Variants in KLF6 observed in about 807,000 individuals in gnomAD.
The protein encoded by KLF6 is Krueppel-like factor 6.
For missense variants in KLF6, 233 were observed against 359.8 expected (o/e 0.65, Z 2.85); for synonymous variants, 152 against 147.9 (o/e 1.03, Z -0.20).
At position 3,780,040 on chromosome 10, in the gene KLF6, T is replaced by G; in HGVS notation, c.800+66A>C. 6.2e-7 allele frequency: 1 copy of G among 1,602,556 alleles called. No homozygotes were observed. Among genetic ancestry groups the G allele is most frequent in the South Asian group, 1.1e-5 (1 of 90,886 alleles). ...CTTCGAATGTGCCCTGCACACCTAC[T>G]CAACCCTGGTCATCACATTCCCAAG... On this transcript the variant is annotated intron_variant, in intron 3 of 3. Transcript: ENST00000497571. The surrounding 1 kb of genome is among the most constrained non-coding windows in gnomAD (Gnocchi z 4.6).
At position 3,779,402 on chromosome 10, in the gene KLF6, C is replaced by T. The variant is rs925627858; in HGVS notation, c.*137G>A. 4 of 762,860 alleles carry T rather than the reference C, an allele frequency of 5.2e-6. No individual in the cohort carries two copies. In the African/African-American group the frequency reaches 6.8e-5, roughly 13 times the overall value. The allele number at this position is 762,860 out of a possible 1,614,324, so 47.3% of individuals were successfully genotyped here. A position where few individuals can be genotyped will look rare whatever the true frequency, so the allele number is the denominator to read the frequency against. On this transcript the variant is annotated 3_prime_UTR_variant, in exon 4 of 4. Coordinates refer to ENST00000497571, the MANE Select transcript of KLF6 (RefSeq NM_001300.6). ...CAGGACCTTTTTAGCCCTCAAAAGA[C>T]CTTCCAAGGAGAGGCCCTGGAGGCA...
At position 3,779,178 on chromosome 10, in the gene KLF6, C is replaced by T. The variant is rs775403785; in HGVS notation, c.*361G>A. 10 of 551,968 alleles carry T rather than the reference C, an allele frequency of 1.8e-5. No individual in the cohort carries two copies. The highest frequency in any genetic ancestry group is 1.5e-4 in the South Asian group (10 of 65,322). The allele number at this position is 551,968 out of a possible 1,614,324, so 34.2% of individuals were successfully genotyped here. ...CTACTTTTTTTCCATCTCTTGCAGT[C>T]TTGCTAACCACAAGGAAAAAAAGTT... On this transcript the variant is annotated 3_prime_UTR_variant, in exon 4 of 4. Coordinates refer to ENST00000497571, the MANE Select transcript of KLF6 (RefSeq NM_001300.6).
Position 3,780,235 on chromosome 10 carries a change from G to T in KLF6, c.677-6C>A. 1 of 1,613,686 alleles carries T rather than the reference G, an allele frequency of 6.2e-7. No homozygotes were observed. Among genetic ancestry groups the T allele is most frequent in the South Asian group, 1.1e-5 (1 of 91,086 alleles). On this transcript the variant is annotated splice_region_variant and splice_polypyrimidine_tract_variant and intron_variant, in intron 2 of 3. Transcript: ENST00000497571. This position sits in a 1 kb window ranked among gnomAD's most constrained non-coding sequence, Gnocchi z 4.6. ...GCATCTGTAAGGCTTTTCTCCTGGGGAGAGAGCACAGGACAAGCAGCCCAT... is the reference window on the plus strand; with the variant it reads ...GCATCTGTAAGGCTTTTCTCCTGGGTAGAGAGCACAGGACAAGCAGCCCAT...
intron 1 of KLF6, among the ~76,000 whole-genome samples, chr10:3,784,249 T>C (rs1832596850): frequency 6.6e-6 from 1 of 152,152 alleles, no homozygotes; most frequent in African/African-American, 2.4e-5. Context: ...TCTACGACAA[T>C]GTCGGAAACC....
At position 3,781,358 on chromosome 10, in the gene KLF6, G is replaced by C. The variant is rs1665171490; in HGVS notation, c.676+283C>G. The stretch of plus-strand genomic sequence containing the variant: ...GGCCTCGGATCCCCAGCACTACTAA[G>C]GGGTGGGGGGTGGAGGTTTGGGTGT... On this transcript the variant is annotated intron_variant, in intron 2 of 3. Coordinates refer to ENST00000497571, the MANE Select transcript of KLF6 (RefSeq NM_001300.6). This position sits in a 1 kb window ranked among gnomAD's most constrained non-coding sequence, Gnocchi z 5.8. 1 of 1,400,152 alleles carries C rather than the reference G, an allele frequency of 7.1e-7. No homozygotes were observed. The highest frequency in any genetic ancestry group is 9.5e-7 in the Non-Finnish European group (1 of 1,058,176). The allele number at this position is 1,400,152 out of a possible 1,614,324, so 86.7% of individuals were successfully genotyped here. A position where few individuals can be genotyped will look rare whatever the true frequency, so the allele number is the denominator to read the frequency against.
At chr10:3,784,726 G>A (rs1351888172) in intron 1 of KLF6, among the ~76,000 whole-genome samples, 187 bp downstream of exon 1, 1 of 152,208 alleles carries the variant, frequency 6.6e-6, no homozygotes, top group African/African-American at 2.4e-5. Context: ...CCGGGAGTTG[G>A]GGCTTCCCTG....
At position 3,776,063 on chromosome 10, in the gene KLF6, C is replaced by T. The variant is rs1832364464; in HGVS notation, c.*3476G>A. 1.9e-6 allele frequency: 1 copy of T among 522,538 alleles called. No homozygotes were observed. The highest frequency in any genetic ancestry group is 3.7e-6 in the Non-Finnish European group (1 of 267,852). 32.4% of individuals were successfully genotyped at this position (522,538 alleles called of 1,614,324 possible). ...GAGTGGGCTGAGGTTGTGAGAACAG[C>T]CCTCTGGCCTGGAGTCCCTCTGCCT... On this transcript the variant is annotated 3_prime_UTR_variant, in exon 4 of 4. Coordinates refer to ENST00000497571, the MANE Select transcript of KLF6 (RefSeq NM_001300.6).
Position 3,780,658 on chromosome 10 carries a change from G to A in KLF6, c.677-429C>T, listed in dbSNP as rs1832496015. On this transcript the variant is annotated intron_variant, in intron 2 of 3. Coordinates refer to ENST00000497571, the MANE Select transcript of KLF6 (RefSeq NM_001300.6). This position sits in a 1 kb window ranked among gnomAD's most constrained non-coding sequence, Gnocchi z 4.6. ...GGAATGTGCCTCTGCAGTTTCCTCA[G>A]GGACGTTCTACCTTTCTACAAAGCT... 3 of 299,016 alleles carry A rather than the reference G, an allele frequency of 1.0e-5. No individual in the cohort carries two copies. The highest frequency in any genetic ancestry group is 6.3e-5 in the South Asian group (2 of 31,596). 18.5% of individuals were successfully genotyped at this position (299,016 alleles called of 1,614,324 possible).
rs1832495352 is a variant in KLF6 at position 3,780,622 on chromosome 10, C to T, written c.677-393G>A. On this transcript the variant is annotated intron_variant, in intron 2 of 3. Transcript: ENST00000497571. This position sits in a 1 kb window ranked among gnomAD's most constrained non-coding sequence, Gnocchi z 4.6. ...CCCAAACACACTTCTGTTCCATCCT[C>T]ACTTCCCTATGGAATGTGCCTCTGC... 2.9e-6 allele frequency: 1 copy of T among 345,654 alleles called. No individual in the cohort carries two copies. The highest frequency in any genetic ancestry group is 2.3e-5 in the South Asian group (1 of 42,922). 21.4% of individuals were successfully genotyped at this position (345,654 alleles called of 1,614,324 possible).
Position 3,782,234 on chromosome 10 carries a change from G to A in KLF6, c.103-20C>T. ...GCAGGTCTGTGCAAAATGAACCAGAGAAGGCACGTGATTGCCATGACGACC... is the reference window on the plus strand; with the variant it reads ...GCAGGTCTGTGCAAAATGAACCAGAAAAGGCACGTGATTGCCATGACGACC... On this transcript the variant is annotated intron_variant, in intron 1 of 3. Coordinates refer to ENST00000497571, the MANE Select transcript of KLF6 (RefSeq NM_001300.6). The surrounding 1 kb of genome is among the most constrained non-coding windows in gnomAD (Gnocchi z 4.3). 2 of 1,590,108 alleles carry A rather than the reference G, an allele frequency of 1.3e-6. No individual in the cohort carries two copies. Among genetic ancestry groups the A allele is most frequent in the Non-Finnish European group, 1.7e-6 (2 of 1,169,472 alleles).
At chr10:3,779,956 T>C (rs1832484024) in intron 3 of KLF6, 150 bp downstream of exon 3, 1 of 1,022,786 alleles carries the variant, frequency 9.8e-7, no homozygotes, top group African/African-American at 1.6e-5. Context: ...CACCAGAAAC[T>C]TTCTAAAAAG....
At position 3,785,005 on chromosome 10, in the gene KLF6, G is replaced by T; in HGVS notation, c.10C>A (p.Leu4Ile). The change falls in exon 1 of 4, where the codon CTC becomes ATC. Residue 4 changes from leucine (L) to isoleucine (I), a missense_variant. By Grantham distance (5) the Leu-to-Ile change is conservative. Coordinates refer to ENST00000497571, the MANE Select transcript of KLF6 (RefSeq NM_001300.6). The stretch of plus-strand genomic sequence containing the variant: ...TCCTGGAAGATGCTGCACATGGGGA[G>T]CACGTCCATGTCGGGCCGGGTTGGA... The part of the protein sequence containing the change: MDV[L>I]PMCSIFQELQ... 6 of 1,610,478 alleles carry T rather than the reference G, an allele frequency of 3.7e-6. No individual in the cohort carries two copies. The highest frequency in any genetic ancestry group is 5.1e-6 in the Non-Finnish European group (6 of 1,177,828).
rs1231636465 is a variant in KLF6, at chr10:3,777,749, CTATATATATAATA to C, written c.*1777_*1789del. On this transcript the variant is annotated 3_prime_UTR_variant, in exon 4 of 4. Coordinates refer to ENST00000497571, the MANE Select transcript of KLF6 (RefSeq NM_001300.6). ...CTTAAAAAAAATATTTATATATTAT[CTATATATATAATA>C]TATATATATACACACATACACATAC... 9 of 272,098 alleles carry C rather than the reference CTATATATATAATA, an allele frequency of 3.3e-5. 1 individual carries two copies. The highest frequency in any genetic ancestry group is 1.7e-4 in the South Asian group (4 of 23,778). The allele number at this position is 272,098 out of a possible 1,614,324, so 16.9% of individuals were successfully genotyped here.
rs553665379 is a variant in KLF6 at position 3,782,284 on chromosome 10, C to G, written c.103-70G>C. ...CAAAAGTAAAAGCAAAAGCAATTTC[C>G]AAAAACATGCAAGAATGAAGGACAG... is the stretch of plus-strand genomic sequence containing the variant. On this transcript the variant is annotated intron_variant, in intron 1 of 3. Coordinates refer to ENST00000497571, the MANE Select transcript of KLF6 (RefSeq NM_001300.6). The surrounding 1 kb of genome is among the most constrained non-coding windows in gnomAD (Gnocchi z 4.3). The G allele has an allele frequency of 3.2e-6, 4 of 1,263,242 alleles. No individual in the cohort carries two copies. In the Admixed American group the frequency reaches 7.1e-5, roughly 23 times the overall value. The allele number at this position is 1,263,242 out of a possible 1,614,324, so 78.3% of individuals were successfully genotyped here.
In KLF6 at chr10:3,781,338, C is replaced by G; in HGVS notation, c.676+303G>C. 7.7e-7 allele frequency: 1 copy of G among 1,293,852 alleles called. No homozygotes were observed. The highest frequency in any genetic ancestry group is 1.0e-6 in the Non-Finnish European group (1 of 970,738). 80.1% of individuals were successfully genotyped at this position (1,293,852 alleles called of 1,614,324 possible). A position where few individuals can be genotyped will look rare whatever the true frequency, so the allele number is the denominator to read the frequency against. On this transcript the variant is annotated intron_variant, in intron 2 of 3. Transcript: ENST00000497571. The surrounding 1 kb of genome is among the most constrained non-coding windows in gnomAD (Gnocchi z 5.8). The stretch of plus-strand genomic sequence containing the variant: ...TGCACTGGTGAAGGGGCAGTGGCCT[C>G]GGATCCCCAGCACTACTAAGGGGTG...
rs1832429986 is a variant in KLF6 at position 3,777,905 on chromosome 10, A to G, written c.*1634T>C. ...TGTGAAACTTGTGCCTTTTAAGCAA[A>G]TACATTAACATTGGGGGTTTTTTAA... On this transcript the variant is annotated 3_prime_UTR_variant, in exon 4 of 4. Transcript: ENST00000497571. The G allele has an allele frequency of 2.0e-6, 1 of 491,810 alleles. No homozygotes were observed. The highest frequency in any genetic ancestry group is 1.9e-5 in the African/African-American group (1 of 51,518). The allele number at this position is 491,810 out of a possible 1,614,324, so 30.5% of individuals were successfully genotyped here.
At chr10:3,783,829 G>T (rs1394993150) in intron 1 of KLF6, among the ~76,000 whole-genome samples, 1 of 152,138 alleles carries the variant, frequency 6.6e-6, no homozygotes, top group Non-Finnish European at 1.5e-5. Flanking sequence ...CAAGAGCCAG[G>T]TCTGGCCGTT....
rs1400750999 is a variant in KLF6 at position 3,785,131 on chromosome 10, C to T, written c.-117G>A. 3.9e-6 allele frequency: 6 copies of T among 1,544,144 alleles called. No individual in the cohort carries two copies. The highest frequency in any genetic ancestry group is 4.4e-6 in the Non-Finnish European group (5 of 1,145,914). ...AAGTTTCATGCAAACTCCAGGCTCG[C>T]AGAGACGCCCGGCCGGACCCTCCCG... On this transcript the variant is annotated 5_prime_UTR_variant, in exon 1 of 4. Coordinates refer to ENST00000497571, the MANE Select transcript of KLF6 (RefSeq NM_001300.6).
At position 3,777,260 on chromosome 10, in the gene KLF6, G is replaced by T. The variant is rs143775944; in HGVS notation, c.*2279C>A. The T allele has an allele frequency of 2.8e-4, 142 of 515,724 alleles. No individual in the cohort carries two copies. Among genetic ancestry groups the T allele is most frequent in the Non-Finnish European group, 4.9e-4 (130 of 265,200 alleles). The allele number at this position is 515,724 out of a possible 1,614,324, so 31.9% of individuals were successfully genotyped here. On this transcript the variant is annotated 3_prime_UTR_variant, in exon 4 of 4. Transcript: ENST00000497571. ...AAAGAGCCACACCCACAAGCCAGCA[G>T]CTGGGTGAAATATCAGCTGTCCACG...
Sources: allele counts gnomAD v4.1 joint callset (sites outside exome capture counted in the v4.1 genomes callset), GRCh38; gene constraint gnomAD v4.1.1; non-coding constraint Gnocchi (gnomAD v3.1); transcripts MANE v1.5; gene names NCBI Gene and HGNC (gene_info 2026-07-23, HGNC 2026-07-21).